The following KDM4C variants were observed in gnomAD, a reference collection of about 807,000 sequenced individuals.
KDM4C encodes the protein lysine demethylase 4C, also known as lysine-specific demethylase 4C.
KDM4C carries 81 observed loss-of-function variants against 129.3 expected under a neutral mutation model. That is an observed-to-expected ratio of 0.63 (90% confidence interval 0.52 to 0.75). KDM4C has a LOEUF of 0.75. Among genes scored for constraint, KDM4C ranks in the 30% least tolerant of loss-of-function variants. The pLI, the probability that KDM4C is intolerant of heterozygous loss-of-function variation, is 0.00. For synonymous variants in KDM4C, 573 were observed against 456.1 expected (o/e 1.26, Z -3.26); for missense variants, 1,457 against 1,304.0 (o/e 1.12, Z -1.81).
chr9:7,079,602 G>A (rs1019353983), intron 17 of KDM4C, among the ~76,000 whole-genome samples: 5 of 152,186 alleles, frequency 3.3e-5, no homozygotes, highest in Admixed American at 6.5e-5. Context: ...GATTAGAGGC[G>A]TGAGCCACGG....
chr9:7,129,763 C>T (rs768850331), intron 19 of KDM4C, among the ~76,000 whole-genome samples: 9 of 152,128 alleles, frequency 5.9e-5, no homozygotes, highest in Non-Finnish European at 1.0e-4. Context: ...GAATAAGTAA[C>T]ACTTACTGAC....
intron 5 of KDM4C, among the ~76,000 whole-genome samples, chr9:6,864,210 C>T (rs1841508614): frequency 6.6e-6 from 1 of 152,110 alleles, no homozygotes; most frequent in African/African-American, 2.4e-5. Flanking sequence ...ATTCTCTCAG[C>T]TTTCATTTAT....
At chr9:6,948,390 G>T (rs551213675) in intron 8 of KDM4C, among the ~76,000 whole-genome samples, 5 of 150,860 alleles carry the variant, frequency 3.3e-5, no homozygotes, top group Non-Finnish European at 5.9e-5. Flanking sequence ...CTAAATATAC[G>T]TACTTATAAA....
At chr9:6,977,275 G>A (rs1340515) in intron 8 of KDM4C, among the ~76,000 whole-genome samples, 151,283 of 152,326 alleles carry the variant, frequency 0.99, 75,130 homozygotes, top group East Asian at 1. Context: ...TGGAAAATTA[G>A]TAATTTTCTA....
At chr9:6,928,813 C>A (rs1823110866) in intron 8 of KDM4C, among the ~76,000 whole-genome samples, 2 of 152,128 alleles carry the variant, frequency 1.3e-5, no homozygotes. Context: ...TCTTTAGTGT[C>A]AGATTATTCT....
intron 8 of KDM4C, among the ~76,000 whole-genome samples, chr9:6,923,759 A>T (rs1821969936): frequency 6.6e-6 from 1 of 152,142 alleles, no homozygotes; most frequent in Admixed American, 6.5e-5. Flanking sequence ...TGTTGTCATT[A>T]TTGTTTGTTT....
chr9:6,766,555 C>T (rs1037583134), intron 1 of KDM4C, among the ~76,000 whole-genome samples: 2 of 151,800 alleles, frequency 1.3e-5, no homozygotes, highest in Non-Finnish European at 2.9e-5. Flanking sequence ...CTTTTTCAGT[C>T]GACCGAGAGT....
intron 15 of KDM4C, among the ~76,000 whole-genome samples, chr9:7,026,004 A>G (rs1825750771): frequency 6.6e-6 from 1 of 152,132 alleles, no homozygotes; most frequent in African/African-American, 2.4e-5. Flanking sequence ...CAGGAGTTCG[A>G]GACCATCCTG....
At chr9:7,169,965 G>T (rs1564205205) in intron 21 of KDM4C, 75 bp downstream of exon 21, 2 of 1,604,284 alleles carry the variant, frequency 1.2e-6, no homozygotes, top group Non-Finnish European at 1.7e-6. Flanking sequence ...CCCAAGCCCA[G>T]CAGGAAACAT....
Position 6,990,422 on chromosome 9 carries a change from G to T in KDM4C, c.1684G>T (p.Glu562Ter). ...ATTTTTGTTCTATAACTAGATAGCA[G>T]AGGGAGAGAACAAAACCTCTAAGAG... is the stretch of plus-strand genomic sequence containing the variant. The part of the protein sequence containing the change: ...RNSFKVPSIA[E>*]GENKTSKSWR... Residue 562 changes from glutamate (E) to a stop codon, truncating the protein, a stop_gained, in exon 12 of 22, where the codon GAG (glutamate) becomes TAG (stop). Transcript: ENST00000381309. LOFTEE classifies it high-confidence loss of function. 6.2e-7 allele frequency: 1 copy of T among 1,607,596 alleles called. No individual in the cohort carries two copies. Among genetic ancestry groups the T allele is most frequent in the Non-Finnish European group, 8.5e-7 (1 of 1,174,992 alleles).
chr9:6,734,259 G>C (rs1588042249), intron 1 of KDM4C, among the ~76,000 whole-genome samples: 1 of 151,266 alleles, frequency 6.6e-6, no homozygotes, highest in African/African-American at 2.4e-5. Context: ...GATGAAAAAG[G>C]AGTGGAAAGT....
chr9:6,918,430 A>G (rs968157685), intron 8 of KDM4C, among the ~76,000 whole-genome samples: 24 of 152,162 alleles, frequency 1.6e-4, no homozygotes, highest in Non-Finnish European at 3.2e-4. Flanking sequence ...GTGGATGGGC[A>G]CTTAGGTTTA....
At chr9:7,122,261 A>ACTCTCTCTCTCT (rs747083483) in intron 18 of KDM4C, among the ~76,000 whole-genome samples, 2,270 of 137,076 alleles carry the variant, frequency 0.017, 121 homozygotes, top group Admixed American at 0.12. Context: ...ACACACACAC[A>ACTCTCTCTCTCT]CACACTCTCT....
intron 1 of KDM4C, among the ~76,000 whole-genome samples, chr9:6,768,515 T>C (rs985947242): frequency 2.0e-5 from 3 of 152,278 alleles, no homozygotes; most frequent in East Asian, 1.9e-4. Flanking sequence ...AGTATATCCA[T>C]CAAAATCAGG....
chr9:6,831,010 C>G (rs947398557), intron 4 of KDM4C, among the ~76,000 whole-genome samples: 2 of 152,304 alleles, frequency 1.3e-5, no homozygotes, highest in African/African-American at 4.8e-5. Context: ...AGAAAAGGCT[C>G]AAGTACAGCC....
At chr9:6,986,915 A>G in intron 11 of KDM4C, 1 of 420,988 alleles carries the variant, frequency 2.4e-6, no homozygotes, top group Non-Finnish European at 4.2e-6. Flanking sequence ...TTTTGTTAAA[A>G]AATTAAACTC....
At chr9:7,046,778 G>C (rs769538553) in intron 15 of KDM4C, 84 bp from the exon 16 acceptor site, 6 of 925,694 alleles carry the variant, frequency 6.5e-6, no homozygotes, top group South Asian at 1.4e-5. Context: ...TGAAAAATCA[G>C]GATCTCTGAG....
chr9:6,956,089 C>A (rs1437562720), intron 8 of KDM4C, among the ~76,000 whole-genome samples: 1 of 152,012 alleles, frequency 6.6e-6, no homozygotes, highest in African/African-American at 2.4e-5. Context: ...AGGATGGTTA[C>A]CAGAGGCTGA....
intron 18 of KDM4C, among the ~76,000 whole-genome samples, chr9:7,108,202 C>T (rs1325537236): frequency 6.6e-6 from 1 of 152,122 alleles, no homozygotes; most frequent in East Asian, 1.9e-4. Flanking sequence ...AGTAATACAA[C>T]TGAGTCCTTG....
Sources: allele counts gnomAD v4.1 joint callset (sites outside exome capture counted in the v4.1 genomes callset), GRCh38; gene constraint gnomAD v4.1.1; transcripts MANE v1.5; gene names NCBI Gene and HGNC (gene_info 2026-07-23, HGNC 2026-07-21).